SLC10A7: variants seen among roughly 807,000 people sequenced by gnomAD.
SLC10A7 encodes sodium/bile acid cotransporter 7.
A neutral mutation model predicts 43.2 loss-of-function variants in SLC10A7; 29 were observed. The ratio of observed to expected loss-of-function variants is 0.67; its 90% CI spans 0.50 to 0.92. The LOEUF is 0.92. Among genes scored for constraint, SLC10A7 ranks in the 40% least tolerant of loss-of-function variants. SLC10A7 has a pLI of 0.00. For missense variants in SLC10A7, 295 were observed against 403.2 expected, an observed-to-expected ratio of 0.73 and a Z score of 2.30; for synonymous variants, 152 against 144.8, an observed-to-expected ratio of 1.05 and a Z score of -0.35.
intron 3 of SLC10A7, among the ~76,000 whole-genome samples, chr4:146,508,335 G>T (rs1311787843): frequency 6.6e-6 from 1 of 152,128 alleles, no homozygotes; most frequent in Non-Finnish European, 1.5e-5. Flanking sequence ...AAATATCTTT[G>T]TATTCCTTGA....
intron 4 of SLC10A7, among the ~76,000 whole-genome samples, chr4:146,467,408 T>G (rs1035442876): frequency 6.6e-6 from 1 of 150,476 alleles, no homozygotes; most frequent in African/African-American, 2.4e-5. Flanking sequence ...AAGACAACAC[T>G]AAATTGCTAA....
chr4:146,518,186 TAACAAAA>T (rs1406523913), intron 1 of SLC10A7, among the ~76,000 whole-genome samples: 7 of 152,182 alleles, frequency 4.6e-5, no homozygotes, highest in African/African-American at 1.7e-4. Context: ...CCTAATGTGC[TAACAAAA>T]AACAACATTC....
chr4:146,373,225 T>G (rs1010035332), intron 5 of SLC10A7, among the ~76,000 whole-genome samples: 2 of 152,044 alleles, frequency 1.3e-5, no homozygotes, highest in Non-Finnish European at 2.9e-5. Flanking sequence ...ATAATCCCAG[T>G]ACTTTGAGAG....
intron 10 of SLC10A7, among the ~76,000 whole-genome samples, chr4:146,270,904 T>C (rs1446863143): frequency 6.6e-6 from 1 of 152,220 alleles, no homozygotes; most frequent in African/African-American, 2.4e-5. Flanking sequence ...AGACTCTTCT[T>C]CTAATACTTC....
In SLC10A7 at chr4:146,382,813, A is replaced by G. The variant is rs748562276; in HGVS notation, c.436-56817T>C. Among the ~76,000 whole-genome samples, 2 of 152,086 alleles carry G rather than the reference A, an allele frequency of 1.3e-5. 1 individual carries two copies. ...CCTTGTGTCCTTTCCTCTTCATAAT[A>G]TCTAGTTTTGTATATGAGAAAAATC... is the stretch of plus-strand genomic sequence containing the variant. On this transcript the variant is annotated intron_variant, in intron 5 of 11. Coordinates refer to ENST00000335472, the MANE Select transcript of SLC10A7 (RefSeq NM_001029998.6).
At chr4:146,336,893 A>G (rs1733926679) in intron 5 of SLC10A7, among the ~76,000 whole-genome samples, 1 of 152,072 alleles carries the variant, frequency 6.6e-6, no homozygotes, top group African/African-American at 2.4e-5. Flanking sequence ...TAATATAGTG[A>G]TATATGTTAA....
intron 4 of SLC10A7, among the ~76,000 whole-genome samples, chr4:146,448,855 G>A (rs1475721650): frequency 1.3e-5 from 2 of 152,158 alleles, no homozygotes; most frequent in African/African-American, 2.4e-5. Context: ...GACACCAAAA[G>A]TGGGTCAGGG....
chr4:146,480,775 T>C (rs549564275), intron 4 of SLC10A7, among the ~76,000 whole-genome samples: 3 of 152,038 alleles, frequency 2.0e-5, no homozygotes, highest in African/African-American at 7.2e-5. Context: ...AGGTCGATAA[T>C]TGAAAGCAAC....
At chr4:146,368,289 C>T (rs543136280) in intron 5 of SLC10A7, among the ~76,000 whole-genome samples, 21 of 152,252 alleles carry the variant, frequency 1.4e-4, no homozygotes, top group African/African-American at 4.8e-4. Flanking sequence ...GTTGGGCTTC[C>T]GGCAAGCTGC....
chr4:146,327,181 C>T (rs1733191261), intron 5 of SLC10A7, among the ~76,000 whole-genome samples: 2 of 152,308 alleles, frequency 1.3e-5, no homozygotes, highest in East Asian at 1.9e-4. Flanking sequence ...AACAATGCTA[C>T]CATGACTTTC....
chr4:146,261,980 G>A (rs1034472074), intron 10 of SLC10A7, among the ~76,000 whole-genome samples: 2 of 152,106 alleles, frequency 1.3e-5, no homozygotes, highest in Non-Finnish European at 2.9e-5. Flanking sequence ...ATGCTAGAAG[G>A]CCCATATTGT....
At chr4:146,492,010 G>A (rs1317852264) in intron 4 of SLC10A7, among the ~76,000 whole-genome samples, 1 of 152,116 alleles carries the variant, frequency 6.6e-6, no homozygotes, top group Non-Finnish European at 1.5e-5. Context: ...GAGGTTAGGA[G>A]ATTGAGACCA....
At chr4:146,397,572 C>A (rs1437003487) in intron 5 of SLC10A7, among the ~76,000 whole-genome samples, 1 of 152,122 alleles carries the variant, frequency 6.6e-6, no homozygotes, top group African/African-American at 2.4e-5. Flanking sequence ...GAGCTTGAAG[C>A]TTTCCTTCAT....
At chr4:146,314,138 G>A (rs1212733984) in intron 6 of SLC10A7, among the ~76,000 whole-genome samples, 1 of 152,082 alleles carries the variant, frequency 6.6e-6, no homozygotes, top group Non-Finnish European at 1.5e-5. Flanking sequence ...AAATCTCTCT[G>A]AACCTAGCTT....
intron 8 of SLC10A7, 134 bp downstream of exon 8, chr4:146,293,796 G>A (rs1224633877): frequency 9.5e-6 from 5 of 525,460 alleles, no homozygotes; most frequent in Non-Finnish European, 1.3e-5. Context: ...AAGTCACTGA[G>A]TAAATGTAAA....
rs77836604 is a variant in SLC10A7 at position 146,376,277 on chromosome 4, G to C, written c.436-50281C>G. On this transcript the variant is annotated intron_variant, in intron 5 of 11. Transcript: ENST00000335472. ...TAAAGGATTTAGAAGCTCTTTGTCC[G>C]ATCTTATTGATATGGATAGGAGGAG... is the stretch of plus-strand genomic sequence containing the variant. Among the ~76,000 whole-genome samples the C allele has an allele frequency of 1.1e-3, 175 of 152,224 alleles. 1 individual carries two copies. The East Asian group carries it at 0.02, about 17-fold the overall frequency.
At chr4:146,493,132 A>G (rs1457681588) in intron 4 of SLC10A7, among the ~76,000 whole-genome samples, 1 of 152,248 alleles carries the variant, frequency 6.6e-6, no homozygotes, top group Non-Finnish European at 1.5e-5. Flanking sequence ...GAACTTGAAA[A>G]AGGCACATGC....
chr4:146,363,118 A>T (rs1736162974), intron 5 of SLC10A7, among the ~76,000 whole-genome samples: 1 of 152,094 alleles, frequency 6.6e-6, no homozygotes, highest in Admixed American at 6.6e-5. Context: ...GCCTACAAAA[A>T]ACTCAATTCA....
Position 146,325,979 on chromosome 4 carries a change from G to T in SLC10A7, c.453C>A (p.Pro151=), listed in dbSNP as rs764392225. Residue 151 remains proline, a synonymous_variant, in exon 6 of 12, where the codon CCC becomes CCA. Coordinates refer to ENST00000335472, the MANE Select transcript of SLC10A7 (RefSeq NM_001029998.6). ...FGSFLGIVIT[P]LLLLLFLGSS... ...TACTCACAAAAAGCAGCAGGAGCAG[G>T]GGTGTTATAACGATGCCCTGAAAGA... is the stretch of plus-strand genomic sequence containing the variant. The T allele has an allele frequency of 2.5e-6, 4 of 1,612,126 alleles. No homozygotes were observed. Among genetic ancestry groups the T allele is most frequent in the Middle Eastern group, 1.6e-4 (1 of 6,082 alleles).
Sources: allele counts gnomAD v4.1 joint callset (sites outside exome capture counted in the v4.1 genomes callset), GRCh38; gene constraint gnomAD v4.1.1; transcripts MANE v1.5; gene names NCBI Gene and HGNC (gene_info 2026-07-23, HGNC 2026-07-21).